The following TTC7A variants were observed in gnomAD, a reference collection of about 807,000 sequenced individuals.
TTC7A encodes the protein tetratricopeptide repeat protein 7A.
In TTC7A, 110 loss-of-function variants were observed where a neutral mutation model predicts 103.7. The ratio of observed to expected loss-of-function variants is 1.06; its 90% CI spans 0.91 to 1.24. TTC7A has a LOEUF of 1.24. TTC7A is among the 50% of genes most tolerant of loss of function. The pLI, the probability that TTC7A is intolerant of heterozygous loss-of-function variation, is 0.00. For missense variants in TTC7A, 1,340 were observed against 1,116.3 expected (o/e 1.20, Z -2.86); for synonymous variants, 521 against 467.9 (o/e 1.11, Z -1.47).
chr2:47,038,629 T>TCCCC, intron 15 of TTC7A, among the ~76,000 whole-genome samples: 1 of 86,986 alleles, frequency 1.1e-5, no homozygotes, highest in East Asian at 2.8e-4. Context: ...TGCTGCCACT[T>TCCCC]CCCACCCACC....
chr2:46,922,241 A>G (rs1298411842), intron 2 of TTC7A, among the ~76,000 whole-genome samples: 2 of 152,158 alleles, frequency 1.3e-5, no homozygotes, highest in African/African-American at 2.4e-5. Flanking sequence ...CATTAGGCCT[A>G]TACCATTTCC....
chr2:46,994,169 G>A (rs1420881208), intron 6 of TTC7A, 188 bp from the exon 7 acceptor site: 2 of 630,226 alleles, frequency 3.2e-6, no homozygotes, highest in East Asian at 2.8e-5. Context: ...GCAGAGGGGT[G>A]GGAGCGCCAG....
chr2:47,050,335 C>T, intron 17 of TTC7A: 1 of 448,070 alleles, frequency 2.2e-6, no homozygotes, highest in South Asian at 2.7e-5. Flanking sequence ...ACCGTTTCCC[C>T]TTAGGCTCAA....
rs76132682 is a variant in TTC7A at position 47,064,237 on chromosome 2, C to A, written c.2355+3266C>A. ...CCGTCTGTGCCAGGCTCAAGGATGG[C>A]CAGGGGCCTCCGGGAAACTGGCAAG... On this transcript the variant is annotated intron_variant, in intron 19 of 19. Transcript: ENST00000319190. 5.5e-3 allele frequency among the ~76,000 whole-genome samples: 833 copies of A among 152,304 alleles called. 6 individuals carry two copies. The highest frequency in any genetic ancestry group is 0.019 in the African/African-American group (791 of 41,558).
At chr2:46,919,941 C>T (rs1360337733) in intron 2 of TTC7A, among the ~76,000 whole-genome samples, 3 of 152,234 alleles carry the variant, frequency 2.0e-5, no homozygotes, top group African/African-American at 7.2e-5. Context: ...GTATTTCTCT[C>T]TCCCTTATTC....
Position 46,978,914 on chromosome 2 carries a change from C to T in TTC7A, c.764+7C>T, listed in dbSNP as rs1408584459. 1 of 1,604,140 alleles carries T rather than the reference C, an allele frequency of 6.2e-7. No individual in the cohort carries two copies. The highest frequency in any genetic ancestry group is 8.5e-7 in the Non-Finnish European group (1 of 1,171,034). On this transcript the variant is annotated splice_region_variant and intron_variant, in intron 5 of 19. Coordinates refer to ENST00000319190, the MANE Select transcript of TTC7A (RefSeq NM_020458.4). The stretch of plus-strand genomic sequence containing the variant: ...TGAAAAACCTGAAGAAGGGGTAGGT[C>T]ACTGGTAGTTGAGTGAGTGGGAGAA...
intron 2 of TTC7A, among the ~76,000 whole-genome samples, chr2:46,926,331 A>G (rs982222738): frequency 2.0e-5 from 3 of 152,126 alleles, no homozygotes; most frequent in African/African-American, 7.2e-5. Flanking sequence ...GATCGGAGTA[A>G]GTGATGCTCC....
At chr2:46,926,278 A>C (rs990650780) in intron 2 of TTC7A, among the ~76,000 whole-genome samples, 5 of 152,218 alleles carry the variant, frequency 3.3e-5, no homozygotes, top group African/African-American at 1.2e-4. Flanking sequence ...AGTTCCACAC[A>C]CTGAGTATAT....
In TTC7A at chr2:47,021,952, C is replaced by G; in HGVS notation, c.1483C>G (p.Leu495Val). 6.2e-7 allele frequency: 1 copy of G among 1,613,866 alleles called. No homozygotes were observed. Among genetic ancestry groups the G allele is most frequent in the Non-Finnish European group, 8.5e-7 (1 of 1,179,822 alleles). Residue 495 changes from leucine to valine, a missense_variant, in exon 12 of 20, where the codon CTC becomes GTC. By Grantham distance (32) the Leu-to-Val change is conservative (BLOSUM62 1). Coordinates refer to ENST00000319190, the MANE Select transcript of TTC7A (RefSeq NM_020458.4). ...FLPKGYLALG[L>V]TYSLQATDAT... ...CCCCAAGGGCTACCTGGCTCTGGGT[C>G]TCACCTATAGCCTGCAGGCCACCGA...
intron 2 of TTC7A, among the ~76,000 whole-genome samples, chr2:46,936,206 C>T (rs775589222): frequency 5.9e-5 from 9 of 152,166 alleles, no homozygotes; most frequent in African/African-American, 2.2e-4. Context: ...ATTTGAAAAT[C>T]TTTTCCCCCT....
At chr2:47,040,100 G>T (rs1558615012) in intron 15 of TTC7A, among the ~76,000 whole-genome samples, 1 of 152,222 alleles carries the variant, frequency 6.6e-6, no homozygotes, top group Non-Finnish European at 1.5e-5. Flanking sequence ...GAGCCTGGGT[G>T]AGGGGTGGCC....
intron 2 of TTC7A, among the ~76,000 whole-genome samples, chr2:46,934,921 C>G (rs1669900449): frequency 6.6e-6 from 1 of 150,616 alleles, no homozygotes; most frequent in Non-Finnish European, 1.5e-5. Context: ...TTGCCTCAGC[C>G]TCCTGAGTAG....
Position 47,024,302 on chromosome 2 carries a change from G to A in TTC7A, c.1584G>A (p.Ala528=), listed in dbSNP as rs761294322. 3.5e-5 allele frequency: 56 copies of A among 1,606,338 alleles called. No individual in the cohort carries two copies. Among genetic ancestry groups the A allele is most frequent in the Non-Finnish European group, 4.3e-5 (51 of 1,176,182 alleles). The change falls in exon 14 of 20, where the codon GCG becomes GCA. Residue 528 remains alanine, a synonymous_variant. Coordinates refer to ENST00000319190, the MANE Select transcript of TTC7A (RefSeq NM_020458.4). The part of the protein sequence containing the change: ...LQTLERAQQL[A]PSDPQVILYV... ...CCCCACACAGGGCTCAGCAGCTGGCGCCCAGTGACCCCCAGGTCATCCTCT... is the reference window on the plus strand; with the variant it reads ...CCCCACACAGGGCTCAGCAGCTGGCACCCAGTGACCCCCAGGTCATCCTCT...
chr2:46,916,187 T>G, exon 1 of TTC7A: 19 of 981,496 alleles, frequency 1.9e-5, no homozygotes, highest in East Asian at 1.1e-4. Context: ...TTCAGGTCTC[T>G]TGGTTCGTCC....
At chr2:46,926,324 C>G (rs547977036) in intron 2 of TTC7A, among the ~76,000 whole-genome samples, 2 of 152,116 alleles carry the variant, frequency 1.3e-5, no homozygotes, top group Non-Finnish European at 2.9e-5. Flanking sequence ...CAGTGGAGAT[C>G]GGAGTAAGTG....
chr2:47,015,194 G>C (rs1367139778), intron 11 of TTC7A, among the ~76,000 whole-genome samples: 2 of 152,252 alleles, frequency 1.3e-5, no homozygotes, highest in East Asian at 3.8e-4. Context: ...GGCATGCCCA[G>C]CCTCCTGCCA....
In TTC7A at chr2:47,051,901, GACAC is replaced by G. The variant is rs151120049; in HGVS notation, c.2152+27_2152+30del. 3.9e-3 allele frequency: 6,219 copies of G among 1,595,158 alleles called. 195 individuals are homozygous for G. The African/African-American group carries it at 0.067, about 17-fold the overall frequency. ...GGCTGGTGAGTGCCCTGGTCCCAGT[GACAC>G]ACACAGCCTGTCTGCAGGCCACCCA... On this transcript the variant is annotated intron_variant, in intron 18 of 19. Transcript: ENST00000319190.
At chr2:46,962,012 C>T (rs1045311898) in intron 3 of TTC7A, among the ~76,000 whole-genome samples, 1 of 152,226 alleles carries the variant, frequency 6.6e-6, no homozygotes, top group Non-Finnish European at 1.5e-5. Flanking sequence ...GCATTTGACT[C>T]CATGTGCTCA....
Position 46,975,032 on chromosome 2 carries a change from G to A in TTC7A, c.577G>A (p.Glu193Lys), listed in dbSNP as rs1385428419. ...CTCCCGCTTCCGCCTGACAGAGAGG[G>A]AGGAGGAAGTGATCACCTGTTTTGA... ...IASRFRLTER[E>K]EEVITCFERA... is the part of the protein sequence containing the mutation. Residue 193 changes from glutamate to lysine, a missense_variant, in exon 4 of 20, where the codon GAG becomes AAG. Transcript: ENST00000319190. 6.2e-7 allele frequency: 1 copy of A among 1,613,960 alleles called. No homozygotes were observed. Among genetic ancestry groups the A allele is most frequent in the Non-Finnish European group, 8.5e-7 (1 of 1,179,982 alleles).
Sources: gnomAD v4.1 joint callset for allele counts (sites outside exome capture counted in the v4.1 genomes callset) on GRCh38, gnomAD v4.1.1 for gene constraint, MANE v1.5 for transcripts, NCBI Gene and HGNC (gene_info 2026-07-23, HGNC 2026-07-21) for gene names.